The following TPTE2 variants were observed in gnomAD, a reference collection of about 807,000 sequenced individuals.
TPTE2 encodes phosphatidylinositol 3,4,5-trisphosphate 3-phosphatase TPTE2.
Under a neutral mutation model 78.6 loss-of-function variants are expected in TPTE2, and 53 were observed. The ratio of observed to expected loss-of-function variants is 0.67; its 90% CI spans 0.54 to 0.85. TPTE2 has a LOEUF of 0.85. TPTE2 is among the 40% of genes least tolerant of loss of function. TPTE2 has a pLI of 0.00. For missense variants in TPTE2, 461 were observed against 623.0 expected (o/e 0.74, Z 2.77); for synonymous variants, 175 against 206.2 (o/e 0.85, Z 1.30).
intron 1 of TPTE2, among the ~76,000 whole-genome samples, chr13:19,515,942 G>A (rs1478810775): frequency 2.0e-5 from 3 of 152,210 alleles, no homozygotes; most frequent in Admixed American, 2.0e-4. Context: ...ATCCATAGAT[G>A]TGAACTCCTT....
chr13:19,498,943 G>C (rs1322312852), intron 1 of TPTE2, among the ~76,000 whole-genome samples: 1 of 152,046 alleles, frequency 6.6e-6, no homozygotes, highest in Non-Finnish European at 1.5e-5. Flanking sequence ...AAAATAAAAG[G>C]ATGGAGGAAG....
chr13:19,427,561 C>T (rs1242755258), intron 17 of TPTE2, among the ~76,000 whole-genome samples: 1 of 152,060 alleles, frequency 6.6e-6, no homozygotes, highest in Non-Finnish European at 1.5e-5. Context: ...AAAAGCAATG[C>T]ATAACTTATC....
chr13:19,432,888 T>C lies in TPTE2; in HGVS notation c.1117-310A>G, dbSNP rs1329236187. Among the ~76,000 whole-genome samples the C allele has an allele frequency of 2.0e-5, 3 of 152,108 alleles. No homozygotes were observed. The East Asian group carries it at 5.8e-4, about 29-fold the overall frequency. On this transcript the variant is annotated intron_variant, in intron 15 of 19. Transcript: ENST00000400230. The stretch of plus-strand genomic sequence containing the variant: ...CAAAACAGTTACAGCATCATCAGTG[T>C]CCAGACAGAAGCTTAGTTGTGACTG...
chr13:19,450,912 C>T (rs2137530617), intron 11 of TPTE2, among the ~76,000 whole-genome samples: 1 of 152,236 alleles, frequency 6.6e-6, no homozygotes, highest in African/African-American at 2.4e-5. Context: ...CAGAACAGAT[C>T]TTCCCTAAAA....
chr13:19,556,762 G>T, the TPTE2 span, among the ~76,000 whole-genome samples: 16 of 152,070 alleles, frequency 1.1e-4, no homozygotes, highest in Non-Finnish European at 2.4e-4. Context: ...CTAGTCACAA[G>T]CCATCCTGTT....
At chr13:19,447,224 C>T in intron 13 of TPTE2, among the ~76,000 whole-genome samples, 1 of 152,106 alleles carries the variant, frequency 6.6e-6, no homozygotes, top group Non-Finnish European at 1.5e-5. Context: ...TCTAAACAAA[C>T]TTTAACAAAA....
In TPTE2 at chr13:19,512,639, C is replaced by T. The variant is rs143140016; in HGVS notation, c.-43-9362G>A. 2.2e-3 allele frequency among the ~76,000 whole-genome samples: 333 copies of T among 151,470 alleles called. 4 individuals are homozygous for T. The highest frequency in any genetic ancestry group is 7.3e-3 in the African/African-American group (300 of 41,256). On this transcript the variant is annotated intron_variant, in intron 1 of 17. Transcript: ENST00000390680. ...TGTTGTCCAGGCTGCAGTGCAGTGG[C>T]GCTGTCTCAGCTCACTGCAACCTCT... is the stretch of plus-strand genomic sequence containing the variant.
At chr13:19,503,569 A>C (rs1868768478), upstream of TPTE2, among the ~76,000 whole-genome samples, 1 of 90,046 alleles carries the variant, frequency 1.1e-5, no homozygotes, top group East Asian at 5.9e-4. Context: ...AGTTATTTCA[A>C]ACTAAACTTT....
intron 4 of TPTE2, among the ~76,000 whole-genome samples, chr13:19,475,985 G>A (rs937389959): frequency 2.6e-5 from 4 of 152,122 alleles, no homozygotes; most frequent in Admixed American, 1.3e-4. Context: ...GCCAGCCTGG[G>A]CAAATCATCA....
chr13:19,438,025 C>T (rs1316572762), intron 14 of TPTE2, 67 bp downstream of exon 17: 1 of 1,575,816 alleles, frequency 6.3e-7, no homozygotes, highest in African/African-American at 1.4e-5. Context: ...TAACGTCCTA[C>T]CAGCGATCTT....
At chr13:19,487,837 T>C (rs1880751450) in intron 3 of TPTE2, among the ~76,000 whole-genome samples, 1 of 152,196 alleles carries the variant, frequency 6.6e-6, no homozygotes, top group Admixed American at 6.5e-5. Flanking sequence ...GTCTTCACCT[T>C]GTACTCCTAG....
intron 6 of TPTE2, among the ~76,000 whole-genome samples, chr13:19,473,541 C>T (rs924990100): frequency 1.3e-5 from 2 of 151,866 alleles, no homozygotes. Context: ...TCTCATAAGG[C>T]CCAAAGGCTC....
At chr13:19,447,335 T>C (rs1877906900) in intron 13 of TPTE2, among the ~76,000 whole-genome samples, 1 of 152,200 alleles carries the variant, frequency 6.6e-6, no homozygotes, top group African/African-American at 2.4e-5. Flanking sequence ...AAGCAAGGAA[T>C]TAGCATTAGT....
At chr13:19,456,634 C>T (rs564679671) in intron 10 of TPTE2, among the ~76,000 whole-genome samples, 276 of 152,146 alleles carry the variant, frequency 1.8e-3, no homozygotes, top group African/African-American at 6.4e-3. Context: ...GCAAACATTG[C>T]TAAAAGAAAT....
chr13:19,426,478 C>T, exon 18 of TPTE2: 3 of 1,606,096 alleles, frequency 1.9e-6, no homozygotes, highest in Non-Finnish European at 1.7e-6. Flanking sequence ...CCGTCATATA[C>T]ATTAATTAAT....
chr13:19,452,356 A>G (rs1256479867), intron 10 of TPTE2, among the ~76,000 whole-genome samples: 3 of 152,188 alleles, frequency 2.0e-5, no homozygotes, highest in Non-Finnish European at 2.9e-5. Flanking sequence ...GTTTGACTTC[A>G]TAAAAATCTG....
At chr13:19,483,674 G>A (rs1880489589) in intron 3 of TPTE2, among the ~76,000 whole-genome samples, 1 of 151,878 alleles carries the variant, frequency 6.6e-6, no homozygotes, top group African/African-American at 2.4e-5. Context: ...TAACAATTTG[G>A]GGTTTGGTTT....
In TPTE2 at chr13:19,498,665, G is replaced by A. The variant is rs1425906251; in HGVS notation, c.11+4559C>T. Among the ~76,000 whole-genome samples, 5 of 151,700 alleles carry A rather than the reference G, an allele frequency of 3.3e-5. 1 individual carries two copies. In the East Asian group the frequency reaches 9.7e-4, roughly 29 times the overall value. The stretch of plus-strand genomic sequence containing the variant: ...TGAAGGAAGCGCTAAATATGGAAAG[G>A]AACAACCGGTACCAGCCACTGCAAA... On this transcript the variant is annotated intron_variant, in intron 1 of 19. Coordinates refer to ENST00000400230, the Ensembl canonical transcript of TPTE2.
At chr13:19,506,444 A>G (rs1869054467), upstream of TPTE2, among the ~76,000 whole-genome samples, 1 of 152,024 alleles carries the variant, frequency 6.6e-6, no homozygotes, top group South Asian at 2.1e-4. Context: ...AAGTGCTGGG[A>G]TTACAGGCGT....
Sources: gnomAD v4.1 joint callset for allele counts (sites outside exome capture counted in the v4.1 genomes callset) on GRCh38, gnomAD v4.1.1 for gene constraint, MANE v1.5 for transcripts, NCBI Gene and HGNC (gene_info 2026-07-23, HGNC 2026-07-21) for gene names.